The following TINAGL1 variants were observed in gnomAD, a reference collection of about 807,000 sequenced individuals.
TINAGL1 encodes the protein tubulointerstitial nephritis antigen-like.
A neutral mutation model predicts 62.0 loss-of-function variants in TINAGL1; 34 were observed. That is an observed-to-expected ratio of 0.55 (90% confidence interval 0.42 to 0.73). The LOEUF is 0.73. TINAGL1 is among the 30% of genes least tolerant of loss of function. The probability of loss-of-function intolerance (pLI) is 0.00; values close to 1 mark genes in which losing one functional copy is unlikely to be tolerated. For missense variants in TINAGL1, 516 were observed against 653.2 expected, an observed-to-expected ratio of 0.79 and a Z score of 2.29; for synonymous variants, 221 against 249.7, an observed-to-expected ratio of 0.88 and a Z score of 1.08.
Position 31,584,581 on chromosome 1 carries a change from G to A in TINAGL1, c.583-97G>A. 5 of 1,579,098 alleles carry A rather than the reference G, an allele frequency of 3.2e-6. No homozygotes were observed. The highest frequency in any genetic ancestry group is 4.3e-6 in the Non-Finnish European group (5 of 1,157,364). On this transcript the variant is annotated intron_variant, in intron 5 of 11. Transcript: ENST00000271064. The surrounding 1 kb of genome is among the most constrained non-coding windows in gnomAD (Gnocchi z 4.0). The stretch of plus-strand genomic sequence containing the variant: ...CAGGAGGGCTCAAGATTAAACTGCA[G>A]AAGGCCCTGGACTTGGTGGCCCTCC...
At chr1:31,579,816 A>C in intron 3 of TINAGL1, 1 of 160,278 alleles carries the variant, frequency 6.2e-6, no homozygotes. Flanking sequence ...AGGGCCAGGT[A>C]GGAAACCCTG....
In TINAGL1 at chr1:31,579,262, C is replaced by A. The variant is rs1295614480; in HGVS notation, c.369C>A (p.Asn123Lys). 6.2e-7 allele frequency: 1 copy of A among 1,613,844 alleles called. No homozygotes were observed. The highest frequency in any genetic ancestry group is 8.5e-7 in the Non-Finnish European group (1 of 1,179,886). Reference sequence around the variant, plus strand: ...TGGGAACGTACTGGGACAACTGTAACCGTTGGTGAGTGTTTGGAGCTTAGA... The same window carrying A: ...TGGGAACGTACTGGGACAACTGTAAACGTTGGTGAGTGTTTGGAGCTTAGA... ...PVLGTYWDNC[N>K]RCTCQENRQW... The change falls in exon 3 of 12, where the codon AAC becomes AAA. Residue 123 changes from asparagine (N) to lysine (K), a missense_variant. By Grantham distance (94) the Asn-to-Lys change is moderately conservative (BLOSUM62 0). Transcript: ENST00000271064.
In TINAGL1 at chr1:31,585,897, G is replaced by A; in HGVS notation, c.1217+21G>A. 1.3e-6 allele frequency: 2 copies of A among 1,560,836 alleles called. No individual in the cohort carries two copies. The highest frequency in any genetic ancestry group is 2.4e-5 in the South Asian group (2 of 84,506). The stretch of plus-strand genomic sequence containing the variant: ...ACAGGGTGAGGGGCGTGTGGGCAGA[G>A]GGGGTTTGGGACAGCAGGGTTTGTG... On this transcript the variant is annotated intron_variant, in intron 10 of 11. Transcript: ENST00000271064. This position sits in a 1 kb window ranked among gnomAD's most constrained non-coding sequence, Gnocchi z 4.3.
chr1:31,580,264 TCA>T, intron 3 of TINAGL1: 1 of 1,197,678 alleles, frequency 8.3e-7, no homozygotes, highest in Non-Finnish European at 1.1e-6. Context: ...TCTCTCTCTC[TCA>T]CTGCTGTCCC....
Position 31,584,577 on chromosome 1 carries a change from T to G in TINAGL1, c.583-101T>G, listed in dbSNP as rs527252923. On this transcript the variant is annotated intron_variant, in intron 5 of 11. Coordinates refer to ENST00000271064, the MANE Select transcript of TINAGL1 (RefSeq NM_022164.3). This position sits in a 1 kb window ranked among gnomAD's most constrained non-coding sequence, Gnocchi z 4.0. ...GCAGCAGGAGGGCTCAAGATTAAAC[T>G]GCAGAAGGCCCTGGACTTGGTGGCC... 2.6e-6 allele frequency: 4 copies of G among 1,564,076 alleles called. No individual in the cohort carries two copies. In the African/African-American group the frequency reaches 4.1e-5, roughly 16 times the overall value.
intron 3 of TINAGL1, among the ~76,000 whole-genome samples, chr1:31,582,049 G>T (rs958707114): frequency 6.6e-6 from 1 of 152,206 alleles, no homozygotes; most frequent in Non-Finnish European, 1.5e-5. Flanking sequence ...ATATAAACAG[G>T]CCGGGCCTGT....
rs1639336237 is a variant in TINAGL1 at position 31,584,615 on chromosome 1, T to C, written c.583-63T>C. 6.2e-7 allele frequency: 1 copy of C among 1,608,694 alleles called. No homozygotes were observed. The highest frequency in any genetic ancestry group is 8.5e-7 in the Non-Finnish European group (1 of 1,177,400). On this transcript the variant is annotated intron_variant, in intron 5 of 11. Coordinates refer to ENST00000271064, the MANE Select transcript of TINAGL1 (RefSeq NM_022164.3). This position sits in a 1 kb window ranked among gnomAD's most constrained non-coding sequence, Gnocchi z 4.0. ...GGACTTGGTGGCCCTCCAGTGCCAA[T>C]GGGCACCTGAGGGGCAGGCCAGGGC...
At chr1:31,582,414 TGAA>T (rs1424457000) in intron 3 of TINAGL1, among the ~76,000 whole-genome samples, 1 of 151,578 alleles carries the variant, frequency 6.6e-6, no homozygotes, top group African/African-American at 2.4e-5. Flanking sequence ...AACCAGAACT[TGAA>T]GGAGGAGGGG....
intron 3 of TINAGL1, chr1:31,580,604 T>C (rs757690734): frequency 1.6e-6 from 2 of 1,289,248 alleles, no homozygotes; most frequent in South Asian, 2.5e-5. Context: ...TGCCCCCGCC[T>C]CTCCTGGGGC....
Position 31,577,042 on chromosome 1 carries a change from T to C in TINAGL1, c.-15-92T>C. ...CAGGAATCGGGATCTCCCTCCCTGC[T>C]GGGCCCTCTTGAACTCACAGCTCCA... On this transcript the variant is annotated intron_variant, in intron 1 of 11. Coordinates refer to ENST00000271064, the MANE Select transcript of TINAGL1 (RefSeq NM_022164.3). This position sits in a 1 kb window ranked among gnomAD's most constrained non-coding sequence, Gnocchi z 5.4. 8.5e-7 allele frequency: 1 copy of C among 1,179,718 alleles called. No homozygotes were observed. Among genetic ancestry groups the C allele is most frequent in the Non-Finnish European group, 1.1e-6 (1 of 870,802 alleles). 73.1% of individuals were successfully genotyped at this position (1,179,718 alleles called of 1,614,324 possible).
In TINAGL1 at chr1:31,585,225, T is replaced by C; in HGVS notation, c.932T>C (p.Met311Thr). The C allele has an allele frequency of 6.2e-7, 1 of 1,613,400 alleles. No individual in the cohort carries two copies. The highest frequency in any genetic ancestry group is 8.5e-7 in the Non-Finnish European group (1 of 1,179,672). The change falls in exon 8 of 12, where the codon ATG (methionine) becomes ACG (threonine). Residue 311 changes from methionine to threonine, a missense_variant. Met to Thr is a moderately conservative substitution (Grantham distance 81). Coordinates refer to ENST00000271064, the MANE Select transcript of TINAGL1 (RefSeq NM_022164.3). The surrounding 1 kb of genome is among the most constrained non-coding windows in gnomAD (Gnocchi z 4.3). ...DEAGPAPPCM[M>T]HSRAMGRGKR... is the part of the protein sequence containing the mutation. Reference sequence around the variant, plus strand: ...GCTGGCCCTGCGCCCCCCTGTATGATGCACAGCCGAGCCATGGGTCGGGGC... The same window carrying C: ...GCTGGCCCTGCGCCCCCCTGTATGACGCACAGCCGAGCCATGGGTCGGGGC...
Position 31,583,848 on chromosome 1 carries a change from G to A in TINAGL1, c.582+273G>A. On this transcript the variant is annotated intron_variant, in intron 5 of 11. Coordinates refer to ENST00000271064, the MANE Select transcript of TINAGL1 (RefSeq NM_022164.3). This position sits in a 1 kb window ranked among gnomAD's most constrained non-coding sequence, Gnocchi z 4.4. ...CCTGGGAAAAATGCTGTTGGTCTCA[G>A]TACAGCTGGGTTAGGGCCCAAGGGG... The A allele has an allele frequency of 9.1e-6, 4 of 439,744 alleles. No homozygotes were observed. The highest frequency in any genetic ancestry group is 8.8e-5 in the South Asian group (3 of 34,046). The allele number at this position is 439,744 out of a possible 1,614,324, so 27.2% of individuals were successfully genotyped here. A position where few individuals can be genotyped will look rare whatever the true frequency, so the allele number is the denominator to read the frequency against.
chr1:31,580,322 G>T (rs1179477634), intron 3 of TINAGL1: 2 of 1,270,746 alleles, frequency 1.6e-6, no homozygotes, highest in African/African-American at 1.5e-5. Flanking sequence ...GCTACCACCG[G>T]CCCTGCCTGG....
At chr1:31,581,483 C>G (rs1639244235) in intron 3 of TINAGL1, among the ~76,000 whole-genome samples, 1 of 152,088 alleles carries the variant, frequency 6.6e-6, no homozygotes, top group Non-Finnish European at 1.5e-5. Flanking sequence ...ACCTGGAGCT[C>G]TGATGTGAAC....
rs776631959 is a variant in TINAGL1, at chr1:31,583,259, C to T, written c.467+18C>T. 6.2e-7 allele frequency: 1 copy of T among 1,610,676 alleles called. No individual in the cohort carries two copies. The highest frequency in any genetic ancestry group is 1.1e-5 in the South Asian group (1 of 91,016). On this transcript the variant is annotated intron_variant, in intron 4 of 11. Transcript: ENST00000271064. This position sits in a 1 kb window ranked among gnomAD's most constrained non-coding sequence, Gnocchi z 4.4. ...AACTATGGGTGAGAGGCCCTAGAGG[C>T]ACCCTCAGTGGGCACACATGCATAC...
At position 31,584,146 on chromosome 1, in the gene TINAGL1, G is replaced by T. The variant is rs974590935; in HGVS notation, c.583-532G>T. 1.2e-5 allele frequency: 2 copies of T among 168,146 alleles called. No individual in the cohort carries two copies. The highest frequency in any genetic ancestry group is 1.1e-4 in the Admixed American group (2 of 18,180). 10.4% of individuals were successfully genotyped at this position (168,146 alleles called of 1,614,324 possible). On this transcript the variant is annotated intron_variant, in intron 5 of 11. Transcript: ENST00000271064. The surrounding 1 kb of genome is among the most constrained non-coding windows in gnomAD (Gnocchi z 4.0). Reference sequence around the variant, plus strand: ...GCAGGCAGCGGGGAGGCAGGGGCTGGCAGGAGTGGCCCTCCCTGCGGAGAC... The same window carrying T: ...GCAGGCAGCGGGGAGGCAGGGGCTGTCAGGAGTGGCCCTCCCTGCGGAGAC...
intron 2 of TINAGL1, among the ~76,000 whole-genome samples, 200 bp from the exon 3 acceptor site, chr1:31,579,004 G>C (rs1487383627): frequency 4.1e-5 from 6 of 145,548 alleles, no homozygotes; most frequent in African/African-American, 1.3e-4. Context: ...CAGCTGGTGT[G>C]TGTGTGTGTG....
Position 31,577,156 on chromosome 1 carries a change from G to GA in TINAGL1, c.9dup (p.Cys4MetfsTer71). The GA allele has an allele frequency of 6.5e-7, 1 of 1,531,604 alleles. No individual in the cohort carries two copies. The highest frequency in any genetic ancestry group is 8.7e-7 in the Non-Finnish European group (1 of 1,143,026). 94.9% of individuals were successfully genotyped at this position (1,531,604 alleles called of 1,614,324 possible). A position where few individuals can be genotyped will look rare whatever the true frequency, so the allele number is the denominator to read the frequency against. Reference sequence around the variant, plus strand: ...CAGGGCCCAGGAGCCACCATGTGGCGATGTCCACTGGGGCTACTGCTGTTG... The same window carrying GA: ...CAGGGCCCAGGAGCCACCATGTGGCGAATGTCCACTGGGGCTACTGCTGTTG... On this transcript the variant is annotated frameshift_variant, in exon 2 of 12. Coordinates refer to ENST00000271064, the MANE Select transcript of TINAGL1 (RefSeq NM_022164.3). LOFTEE classifies it high-confidence loss of function. This position sits in a 1 kb window ranked among gnomAD's most constrained non-coding sequence, Gnocchi z 5.4.
rs116570148 is a variant in TINAGL1, at chr1:31,582,628, G to A, written c.375-521G>A. On this transcript the variant is annotated intron_variant, in intron 3 of 11. Transcript: ENST00000271064. ...GGCAGATGCATGGAGCACCCACAGT[G>A]AGGAGGCCACAGCAGGAATCCAGGT... is the stretch of plus-strand genomic sequence containing the variant. Among the ~76,000 whole-genome samples, 449 of 152,288 alleles carry A rather than the reference G, an allele frequency of 2.9e-3. 2 individuals carry two copies. The highest frequency in any genetic ancestry group is 9.8e-3 in the African/African-American group (408 of 41,560).
Sources: gnomAD v4.1 joint callset for allele counts (sites outside exome capture counted in the v4.1 genomes callset) on GRCh38, gnomAD v4.1.1 for gene constraint, Gnocchi (gnomAD v3.1) non-coding constraint, MANE v1.5 for transcripts, NCBI Gene and HGNC (gene_info 2026-07-23, HGNC 2026-07-21) for gene names.